The following CRPPA variants were observed in gnomAD, a reference collection of about 807,000 sequenced individuals.
CRPPA encodes CDP-L-ribitol pyrophosphorylase A, also known as D-ribitol-5-phosphate cytidylyltransferase.
CRPPA carries 43 observed loss-of-function variants against 52.0 expected under a neutral mutation model. That is an observed-to-expected ratio of 0.83 (90% CI 0.65 to 1.07). CRPPA has a LOEUF of 1.07. Among genes scored for constraint, CRPPA ranks in the 50% least tolerant of loss-of-function variants. CRPPA has a pLI of 0.00. For synonymous variants in CRPPA, 250 were observed against 203.5 expected (o/e 1.23, Z -1.94); for missense variants, 629 against 551.7 (o/e 1.14, Z -1.40).
At chr7:16,396,343 A>C (rs191939830) in intron 2 of CRPPA, among the ~76,000 whole-genome samples, 27 of 152,322 alleles carry the variant, frequency 1.8e-4, no homozygotes, top group African/African-American at 6.5e-4. Context: ...TGATCAGAGA[A>C]ATGCAAATCA....
At chr7:16,386,726 A>C (rs1319147459) in intron 2 of CRPPA, among the ~76,000 whole-genome samples, 3 of 152,056 alleles carry the variant, frequency 2.0e-5, no homozygotes, top group African/African-American at 7.2e-5. Flanking sequence ...AAACTCTATA[A>C]ATACATACTT....
chr7:16,222,033 C>T (rs1222312011), intron 8 of CRPPA, among the ~76,000 whole-genome samples: 1 of 150,728 alleles, frequency 6.6e-6, no homozygotes, highest in Non-Finnish European at 1.5e-5. Flanking sequence ...ATAGCAAAGA[C>T]TTGGAACCAA....
chr7:16,125,276 A>AC lies in CRPPA; in HGVS notation c.1252-33478_1252-33477insG, dbSNP rs1199222810. Among the ~76,000 whole-genome samples, 186 of 149,186 alleles carry AC rather than the reference A, an allele frequency of 1.2e-3. 3 individuals are homozygous for AC. The East Asian group carries it at 0.016, about 13-fold the overall frequency. On this transcript the variant is annotated intron_variant, in intron 9 of 9. Transcript: ENST00000407010. The stretch of plus-strand genomic sequence containing the variant: ...CTGTCTCAAAAAAAAAAAAAAAAAA[A>AC]AAAAACCAACAACAACTGCAAATAA...
chr7:16,113,717 C>A (rs568756880), intron 9 of CRPPA, among the ~76,000 whole-genome samples: 16 of 151,162 alleles, frequency 1.1e-4, no homozygotes, highest in African/African-American at 3.9e-4. Context: ...GTTTACAACA[C>A]TCCCCCCTCC....
chr7:16,410,857 T>A (rs1421409462), intron 1 of CRPPA, among the ~76,000 whole-genome samples: 2 of 152,180 alleles, frequency 1.3e-5, no homozygotes, highest in Non-Finnish European at 2.9e-5. Flanking sequence ...GAGTCTTTCA[T>A]ACTCATCAGT....
intron 9 of CRPPA, chr7:16,208,936 C>T: frequency 2.8e-6 from 1 of 353,206 alleles, no homozygotes; most frequent in Non-Finnish European, 5.7e-6. Context: ...CAATAGCATT[C>T]CCACAAACGT....
chr7:16,338,816 T>C (rs1418609512), intron 3 of CRPPA, among the ~76,000 whole-genome samples: 2 of 42,842 alleles, frequency 4.7e-5, no homozygotes, highest in South Asian at 9.8e-4. Context: ...TAGCAAACTT[T>C]TTTTTTTTTT....
At chr7:16,308,778 T>A (rs1247645353) in intron 3 of CRPPA, among the ~76,000 whole-genome samples, 151 bp from the exon 4 acceptor site, 1 of 152,224 alleles carries the variant, frequency 6.6e-6, no homozygotes, top group Non-Finnish European at 1.5e-5. Context: ...AACATCCCCA[T>A]TAGCTAAAAG....
chr7:16,209,487 G>C (rs1043257119), intron 9 of CRPPA, among the ~76,000 whole-genome samples: 1 of 152,048 alleles, frequency 6.6e-6, no homozygotes, highest in Non-Finnish European at 1.5e-5. Flanking sequence ...GGCCAGATTG[G>C]TCTCGAACTC....
intron 2 of CRPPA, among the ~76,000 whole-genome samples, chr7:16,385,329 G>C (rs1270031573): frequency 6.6e-6 from 1 of 151,782 alleles, no homozygotes; most frequent in Admixed American, 6.6e-5. Flanking sequence ...AGAAAAATCA[G>C]AAAAAAATCC....
chr7:16,355,845 T>C (rs974712670), intron 3 of CRPPA, among the ~76,000 whole-genome samples: 2 of 152,184 alleles, frequency 1.3e-5, no homozygotes, highest in Non-Finnish European at 2.9e-5. Flanking sequence ...GTGACTTGAG[T>C]AGGCATCTGC....
chr7:16,321,640 C>CT (rs1446260430), intron 3 of CRPPA, among the ~76,000 whole-genome samples: 2 of 152,160 alleles, frequency 1.3e-5, no homozygotes, highest in Non-Finnish European at 2.9e-5. Context: ...AGCAACAGGA[C>CT]TGGTGACATC....
chr7:16,410,153 A>G (rs1409123259), intron 1 of CRPPA, among the ~76,000 whole-genome samples: 4 of 152,218 alleles, frequency 2.6e-5, no homozygotes, highest in African/African-American at 4.8e-5. Flanking sequence ...TCTGGTTTCT[A>G]GGTCCTAAGG....
At chr7:16,097,680 T>G (rs114947111) in intron 9 of CRPPA, among the ~76,000 whole-genome samples, 40 of 152,326 alleles carry the variant, frequency 2.6e-4, no homozygotes, top group African/African-American at 9.6e-4. Context: ...CAGCATCAAG[T>G]GAAGTCTTGA....
At chr7:16,191,658 G>C (rs995853015) in intron 9 of CRPPA, among the ~76,000 whole-genome samples, 2 of 152,126 alleles carry the variant, frequency 1.3e-5, no homozygotes, top group South Asian at 2.1e-4. Flanking sequence ...ATTGGACTTT[G>C]AGGCTTTGTA....
intron 1 of CRPPA, among the ~76,000 whole-genome samples, chr7:16,406,576 A>G (rs1382728239): frequency 6.6e-6 from 1 of 152,246 alleles, no homozygotes; most frequent in Non-Finnish European, 1.5e-5. Flanking sequence ...ATCTTACATG[A>G]TATAGTAAAT....
At chr7:16,282,100 T>C (rs1784333207) in intron 5 of CRPPA, among the ~76,000 whole-genome samples, 1 of 152,160 alleles carries the variant, frequency 6.6e-6, no homozygotes, top group Admixed American at 6.5e-5. Flanking sequence ...TTTTGAGTTT[T>C]GTTTGCTGCT....
At chr7:16,145,994 T>G (rs1782967150) in intron 9 of CRPPA, among the ~76,000 whole-genome samples, 1 of 151,986 alleles carries the variant, frequency 6.6e-6, no homozygotes, top group Non-Finnish European at 1.5e-5. Flanking sequence ...TAAGTGGAAT[T>G]AAGAGGTCTT....
intron 8 of CRPPA, among the ~76,000 whole-genome samples, chr7:16,231,405 C>T (rs891028121): frequency 6.6e-6 from 1 of 152,058 alleles, no homozygotes; most frequent in Non-Finnish European, 1.5e-5. Flanking sequence ...CCATCCAGAA[C>T]ATGTTATCAT....
Sources: allele counts gnomAD v4.1 joint callset (sites outside exome capture counted in the v4.1 genomes callset), GRCh38; gene constraint gnomAD v4.1.1; transcripts MANE v1.5; gene names NCBI Gene and HGNC (gene_info 2026-07-23, HGNC 2026-07-21).